The following RFX3 variants were observed in gnomAD, a reference collection of about 807,000 sequenced individuals.
RFX3 encodes the protein regulatory factor X3.
In RFX3, 14 loss-of-function variants were observed where a neutral mutation model predicts 98.6. That is an observed-to-expected ratio of 0.14 (90% confidence interval 0.09 to 0.22). RFX3 has a LOEUF of 0.22. Among genes scored for constraint, RFX3 ranks in the 10% least tolerant of loss-of-function variants. The pLI is 1.00. For missense variants in RFX3, 639 were observed against 926.9 expected, an observed-to-expected ratio of 0.69 and a Z score of 4.03; for synonymous variants, 383 against 328.4, an observed-to-expected ratio of 1.17 and a Z score of -1.80.
Position 3,414,273 on chromosome 9 carries a change from C to T in RFX3, c.-8-18677G>A, listed in dbSNP as rs138067197. On this transcript the variant is annotated intron_variant, in intron 1 of 16. Transcript: ENST00000617270. ...ATACTTTTAATGTTTTCTGTATTTCCAAGTTAAAAGAAACAAAATTTGTGT... is the reference window on the plus strand; with the variant it reads ...ATACTTTTAATGTTTTCTGTATTTCTAAGTTAAAAGAAACAAAATTTGTGT... Among the ~76,000 whole-genome samples the T allele has an allele frequency of 5.3e-3, 802 of 151,996 alleles. 10 individuals are homozygous for T. Among genetic ancestry groups the T allele is most frequent in the Admixed American group, 7.9e-3 (121 of 15,266 alleles).
intron 15 of RFX3, among the ~76,000 whole-genome samples, chr9:3,242,193 G>A (rs577993162): frequency 4.1e-4 from 63 of 152,238 alleles, no homozygotes; most frequent in African/African-American, 1.5e-3. Flanking sequence ...TTCCTCACTG[G>A]TGAAATAGGG....
chr9:3,467,525 G>C (rs1848420904), intron 1 of RFX3, among the ~76,000 whole-genome samples: 1 of 151,776 alleles, frequency 6.6e-6, no homozygotes, highest in Non-Finnish European at 1.5e-5. Flanking sequence ...TCAAGGAAAG[G>C]TTATATTCAT....
chr9:3,369,968 A>T (rs1384478161), intron 2 of RFX3, among the ~76,000 whole-genome samples: 1 of 149,038 alleles, frequency 6.7e-6, no homozygotes, highest in African/African-American at 2.5e-5. Context: ...AGCTGGGACT[A>T]CAGGCGCCCG....
At chr9:3,427,101 A>T (rs1330922283) in intron 1 of RFX3, among the ~76,000 whole-genome samples, 1 of 151,364 alleles carries the variant, frequency 6.6e-6, no homozygotes. Flanking sequence ...AGCTAAACTC[A>T]ACAACTAGGC....
intron 3 of RFX3, among the ~76,000 whole-genome samples, chr9:3,336,637 G>A (rs1431751091): frequency 1.3e-5 from 2 of 152,126 alleles, no homozygotes; most frequent in African/African-American, 4.8e-5. Context: ...GAAATTAGAA[G>A]TCTGAAGTAT....
chr9:3,515,353 T>C (rs1292109121), intron 1 of RFX3, among the ~76,000 whole-genome samples: 1 of 152,166 alleles, frequency 6.6e-6, no homozygotes, highest in Non-Finnish European at 1.5e-5. Flanking sequence ...ACTAACAAAA[T>C]TAAACAGAAT....
At chr9:3,368,240 TAA>T (rs200226655) in intron 2 of RFX3, among the ~76,000 whole-genome samples, 2 of 152,082 alleles carry the variant, frequency 1.3e-5, no homozygotes, top group Non-Finnish European at 2.9e-5. Flanking sequence ...TTATATAATT[TAA>T]AAAAAGATAT....
chr9:3,256,083 T>C (rs1427614635), intron 14 of RFX3, among the ~76,000 whole-genome samples: 1 of 152,128 alleles, frequency 6.6e-6, no homozygotes, highest in African/African-American at 2.4e-5. Context: ...TCTCCTGGCT[T>C]AGCTTCCAGA....
At chr9:3,363,566 T>C (rs1261545810) in intron 2 of RFX3, among the ~76,000 whole-genome samples, 2 of 152,230 alleles carry the variant, frequency 1.3e-5, no homozygotes, top group African/African-American at 4.8e-5. Flanking sequence ...TACTTATACA[T>C]GATTATTAAA....
chr9:3,419,941 A>G (rs985015014), intron 1 of RFX3, among the ~76,000 whole-genome samples: 1 of 152,208 alleles, frequency 6.6e-6, no homozygotes, highest in Non-Finnish European at 1.5e-5. Context: ...ATTCCAACAC[A>G]ACCTCTGCAT....
At chr9:3,414,743 T>A (rs1184355471) in intron 1 of RFX3, among the ~76,000 whole-genome samples, 1 of 43,768 alleles carries the variant, frequency 2.3e-5, no homozygotes, top group Non-Finnish European at 7.9e-5. Flanking sequence ...TATGTATATA[T>A]GAGTATATAT....
At chr9:3,366,407 C>A (rs1392817835) in intron 2 of RFX3, among the ~76,000 whole-genome samples, 1 of 152,156 alleles carries the variant, frequency 6.6e-6, no homozygotes, top group Non-Finnish European at 1.5e-5. Flanking sequence ...GCACCAACTA[C>A]TTTGGTTTTA....
intron 1 of RFX3, among the ~76,000 whole-genome samples, chr9:3,503,936 C>T (rs1470730217): frequency 6.6e-6 from 1 of 151,496 alleles, no homozygotes; most frequent in African/African-American, 2.4e-5. Flanking sequence ...TTCTATTTGC[C>T]TATTATTGTA....
At chr9:3,232,578 G>A (rs1180453704) in intron 15 of RFX3, among the ~76,000 whole-genome samples, 1 of 152,174 alleles carries the variant, frequency 6.6e-6, no homozygotes, top group East Asian at 1.9e-4. Flanking sequence ...ATTAAAGGCT[G>A]AATAAATACT....
intron 4 of RFX3, among the ~76,000 whole-genome samples, chr9:3,326,663 T>A (rs1831957122): frequency 6.6e-6 from 1 of 152,266 alleles, no homozygotes; most frequent in South Asian, 2.1e-4. Context: ...AAGGACATGA[T>A]CTCGTTCTTT....
At chr9:3,371,274 C>G (rs1171462615) in intron 2 of RFX3, among the ~76,000 whole-genome samples, 1 of 152,056 alleles carries the variant, frequency 6.6e-6, no homozygotes, top group Non-Finnish European at 1.5e-5. Context: ...TAAGATAAAG[C>G]AAAATGAATT....
chr9:3,521,099 T>G (rs751260387), intron 1 of RFX3, among the ~76,000 whole-genome samples: 1 of 152,216 alleles, frequency 6.6e-6, no homozygotes, highest in African/African-American at 2.4e-5. Flanking sequence ...CACTATGCCA[T>G]GTAAAAGTGT....
At chr9:3,314,881 T>G (rs994610834) in intron 4 of RFX3, among the ~76,000 whole-genome samples, 2 of 152,100 alleles carry the variant, frequency 1.3e-5, no homozygotes, top group Non-Finnish European at 2.9e-5. Flanking sequence ...AAGCAAGTCC[T>G]TAGAGACCTA....
At chr9:3,319,932 T>C (rs1302093796) in intron 4 of RFX3, among the ~76,000 whole-genome samples, 2 of 151,816 alleles carry the variant, frequency 1.3e-5, no homozygotes, top group Non-Finnish European at 2.9e-5. Context: ...TGTTGAACAG[T>C]AAGAATGGCT....
Sources: allele counts gnomAD v4.1 joint callset (sites outside exome capture counted in the v4.1 genomes callset), GRCh38; gene constraint gnomAD v4.1.1; transcripts MANE v1.5; gene names NCBI Gene and HGNC (gene_info 2026-07-23, HGNC 2026-07-21).